RIPK1: variants seen among roughly 807,000 people sequenced by gnomAD.
The protein encoded by RIPK1 is receptor-interacting serine/threonine-protein kinase 1.
RIPK1 carries 27 observed loss-of-function variants against 62.4 expected under a neutral mutation model. The observed-to-expected ratio is 0.43, with a 90% CI of 0.32 to 0.60. The LOEUF is 0.60. RIPK1 is among the 20% of genes least tolerant of loss of function. The pLI is 0.07. For missense variants in RIPK1, 735 were observed against 831.0 expected (o/e 0.88, Z 1.42); for synonymous variants, 287 against 303.2 (o/e 0.95, Z 0.55).
chr6:3,068,242 G>A (rs999167847), upstream of RIPK1: 1 of 985,416 alleles, frequency 1.0e-6, no homozygotes, highest in Non-Finnish European at 1.2e-6. Flanking sequence ...GAATCCTCCG[G>A]ATAGCGCCCC....
chr6:3,098,386 GGTA>G (rs1760423798), intron 7 of RIPK1, among the ~76,000 whole-genome samples: 1 of 152,188 alleles, frequency 6.6e-6, no homozygotes, highest in African/African-American at 2.4e-5. Flanking sequence ...CAACTTTACT[GGTA>G]ATTAGAGAAA....
chr6:3,090,203 AGACTGAAGCAAG>A (rs1759960974), intron 7 of RIPK1, among the ~76,000 whole-genome samples: 1 of 152,136 alleles, frequency 6.6e-6, no homozygotes, highest in East Asian at 1.9e-4. Context: ...CATCTGCCCA[AGACTGAAGCAAG>A]GAGGTGGTTT....
chr6:3,081,695 T>A (rs1181478898), intron 4 of RIPK1, among the ~76,000 whole-genome samples: 1 of 151,858 alleles, frequency 6.6e-6, no homozygotes, highest in African/African-American at 2.4e-5. Context: ...ACCCCATCTC[T>A]ACTGAAAATA....
At chr6:3,110,220 T>C (rs1452722978) in intron 9 of RIPK1, among the ~76,000 whole-genome samples, 1 of 150,814 alleles carries the variant, frequency 6.6e-6, no homozygotes, top group East Asian at 1.9e-4. Context: ...TTTTTTTTTT[T>C]TTTTTGAGAC....
intron 5 of RIPK1, among the ~76,000 whole-genome samples, chr6:3,084,920 CTG>C (rs926073139): frequency 6.6e-6 from 1 of 152,172 alleles, no homozygotes; most frequent in Non-Finnish European, 1.5e-5. Flanking sequence ...AATGATCACT[CTG>C]TGTTTTAAGT....
intron 3 of RIPK1, among the ~76,000 whole-genome samples, chr6:3,079,893 A>G (rs893789476): frequency 6.6e-6 from 1 of 152,224 alleles, no homozygotes; most frequent in African/African-American, 2.4e-5. Context: ...CTGAGATGAG[A>G]GAGAAATCAT....
At chr6:3,080,395 C>A (rs886537783) in intron 3 of RIPK1, among the ~76,000 whole-genome samples, 2 of 152,352 alleles carry the variant, frequency 1.3e-5, no homozygotes, top group Non-Finnish European at 2.9e-5. Flanking sequence ...CCTGAAGTAT[C>A]TGCTACCAGG....
intron 1 of RIPK1, 49 bp from the exon 2 acceptor site, chr6:3,076,699 CATATATATATATATAT>C: frequency 9.3e-6 from 2 of 214,558 alleles, no homozygotes; most frequent in Non-Finnish European, 1.4e-5. Context: ...AAAAAAAAAA[CATATATATATATATAT>C]ATATATATAT....
At chr6:3,095,397 T>C (rs1760236245) in intron 7 of RIPK1, among the ~76,000 whole-genome samples, 1 of 152,190 alleles carries the variant, frequency 6.6e-6, no homozygotes, top group Non-Finnish European at 1.5e-5. Context: ...ATGTCAATCT[T>C]ATACAGTTTT....
rs556604183 is a variant in RIPK1, at chr6:3,105,002, C to A, written c.1007-480C>A. 6.6e-6 allele frequency among the ~76,000 whole-genome samples: 1 copy of A among 152,098 alleles called. No homozygotes were observed. ...AAGCAGCAGGGATTACAGGCATGCACCACCATGCCCGGCTAATTTTTGTAT... is the reference window on the plus strand; with the variant it reads ...AAGCAGCAGGGATTACAGGCATGCAACACCATGCCCGGCTAATTTTTGTAT... On this transcript the variant is annotated intron_variant, in intron 8 of 10. Transcript: ENST00000259808. This position sits in a 1 kb window ranked among gnomAD's most constrained non-coding sequence, Gnocchi z 4.5.
intron 4 of RIPK1, among the ~76,000 whole-genome samples, chr6:3,081,888 A>C: frequency 6.9e-6 from 1 of 145,824 alleles, no homozygotes; most frequent in African/African-American, 2.6e-5. Flanking sequence ...AAAAAAAAAA[A>C]AAAAAAAAAA....
chr6:3,081,102 G>A lies in RIPK1; in HGVS notation c.445G>A (p.Asp149Asn), dbSNP rs774425433. 9 of 1,613,930 alleles carry A rather than the reference G, an allele frequency of 5.6e-6. No individual in the cohort carries two copies. The Admixed American group carries it at 1.2e-4, about 21-fold the overall frequency. ...GCCTGAAAATATCCTTGTTGATAAT[G>A]ACTTCCACATTAAGGTAAACCATCA... is the stretch of plus-strand genomic sequence containing the variant. ...LKPENILVDN[D>N]FHIKIADLGL... Residue 149 changes from aspartate (D) to asparagine (N), a missense_variant, in exon 4 of 11, where the codon GAC becomes AAC. Physicochemically the swap from Asp to Asn is conservative, Grantham distance 23. Around this residue, in one of 2 missense-constraint regions of RIPK1, gnomAD observed 671 missense variants for 726.2 expected, o/e 0.92. Transcript: ENST00000259808.
At chr6:3,110,990 C>G (rs191829800) in intron 10 of RIPK1, 35 bp downstream of exon 10, 12 of 1,494,028 alleles carry the variant, frequency 8.0e-6, no homozygotes, top group Non-Finnish European at 9.9e-6. Context: ...CGCCTAGCAA[C>G]CTTGAACTTT....
intron 7 of RIPK1, among the ~76,000 whole-genome samples, chr6:3,103,851 T>TGA (rs1384979653): frequency 6.6e-6 from 1 of 152,246 alleles, no homozygotes; most frequent in Non-Finnish European, 1.5e-5. Flanking sequence ...CATATGTGTA[T>TGA]ATTCAGTTTT....
Position 3,113,272 on chromosome 6 carries a change from C to T in RIPK1, c.1949C>T (p.Ala650Val). The T allele has an allele frequency of 6.2e-7, 1 of 1,614,120 alleles. No individual in the cohort carries two copies. Residue 650 changes from alanine to valine, a missense_variant, in exon 11 of 11, where the codon GCC becomes GTC. Transcript: ENST00000259808. This position sits in a 1 kb window ranked among gnomAD's most constrained non-coding sequence, Gnocchi z 5.0. ...AAGGGAGCCACGGTGGGGAAGCTGG[C>T]CCAGGCGCTCCACCAGTGTTCCAGG... ...GIKGATVGKLAQALHQCSRID... is the reference protein window; with the variant it reads ...GIKGATVGKLVQALHQCSRID...
chr6:3,064,972 G>A (rs949397254), upstream of RIPK1, among the ~76,000 whole-genome samples: 3 of 152,146 alleles, frequency 2.0e-5, no homozygotes, highest in African/African-American at 7.2e-5. Context: ...GTCGGGTGCG[G>A]TGGCTCACGC....
rs1354884191 is a variant in RIPK1, at chr6:3,107,849, GCTT to G, written c.1576+1803_1576+1805del. On this transcript the variant is annotated intron_variant, in intron 9 of 10. Coordinates refer to ENST00000259808, the MANE Select transcript of RIPK1 (RefSeq NM_001354930.2). ...CCAGTGACAGATGTACAGGGATGCA[GCTT>G]CTTCAGGGTTCTGAGATGCTTTCAG... is the stretch of plus-strand genomic sequence containing the variant. Among the ~76,000 whole-genome samples, 3 of 152,044 alleles carry G rather than the reference GCTT, an allele frequency of 2.0e-5. No homozygotes were observed. In the East Asian group the frequency reaches 5.8e-4, roughly 29 times the overall value.
chr6:3,083,463 T>C (rs887493915), intron 5 of RIPK1, 150 bp downstream of exon 5: 4 of 662,092 alleles, frequency 6.0e-6, no homozygotes, highest in African/African-American at 5.4e-5. Context: ...ACCTCGATAG[T>C]GTGTCATTAG....
chr6:3,080,073 A>T (rs746000264), intron 3 of RIPK1, among the ~76,000 whole-genome samples: 4 of 152,246 alleles, frequency 2.6e-5, no homozygotes, highest in Non-Finnish European at 5.9e-5. Flanking sequence ...AAGGAAGAAG[A>T]GAAAACATCT....
Sources: allele counts gnomAD v4.1 joint callset (sites outside exome capture counted in the v4.1 genomes callset), GRCh38; gene constraint gnomAD v4.1.1; regional missense constraint gnomAD v4.1.1; non-coding constraint Gnocchi (gnomAD v3.1); transcripts MANE v1.5; gene names NCBI Gene and HGNC (gene_info 2026-07-23, HGNC 2026-07-21).